Variants in CST2 observed in about 807,000 individuals in gnomAD.
The protein encoded by CST2 is cystatin SA.
In CST2, 26 loss-of-function variants were observed where a neutral mutation model predicts 13.4. The observed-to-expected ratio is 1.95, with a 90% confidence interval of 1.43 to 2.70. CST2 has a LOEUF of 2.70. CST2 is among the 30% of genes most tolerant of loss of function. The pLI is 0.00. For synonymous variants in CST2, 105 were observed against 71.1 expected (o/e 1.48, Z -2.40); for missense variants, 243 against 173.4 (o/e 1.40, Z -2.25).
At chr20:23,825,168 C>G (rs778718289) in intron 2 of CST2, 42 bp downstream of exon 2, 18 of 1,610,764 alleles carry the variant, frequency 1.1e-5, no homozygotes, top group Non-Finnish European at 1.5e-5. Flanking sequence ...ACGCACCCCT[C>G]TGCAGTGCAT....
In CST2 at chr20:23,823,808, G is replaced by A. The variant is rs892452227; in HGVS notation, c.*212C>T. Reference sequence around the variant, plus strand: ...TTAATTGCAGGAGGTGGGGGTGTGTGTACCATGTACCAGGGCTATGAGAAG... The same window carrying A: ...TTAATTGCAGGAGGTGGGGGTGTGTATACCATGTACCAGGGCTATGAGAAG... On this transcript the variant is annotated 3_prime_UTR_variant, in exon 3 of 3. Coordinates refer to ENST00000304725, the MANE Select transcript of CST2 (RefSeq NM_001322.3). The A allele has an allele frequency of 5.5e-5, 32 of 582,554 alleles. No individual in the cohort carries two copies. Among genetic ancestry groups the A allele is most frequent in the Non-Finnish European group, 8.0e-5 (26 of 324,600 alleles). The allele number at this position is 582,554 out of a possible 1,614,324, so 36.1% of individuals were successfully genotyped here.
chr20:23,825,034 A>G (rs530886634), intron 2 of CST2, among the ~76,000 whole-genome samples, 176 bp downstream of exon 2: 29 of 152,080 alleles, frequency 1.9e-4, no homozygotes, highest in African/African-American at 7.0e-4. Flanking sequence ...TTCCACATGC[A>G]CATCTACATG....
In CST2 at chr20:23,823,867, G is replaced by A; in HGVS notation, c.*153C>T. 2 of 747,426 alleles carry A rather than the reference G, an allele frequency of 2.7e-6. No homozygotes were observed. Among genetic ancestry groups the A allele is most frequent in the Non-Finnish European group, 2.2e-6 (1 of 448,398 alleles). The allele number at this position is 747,426 out of a possible 1,614,324, so 46.3% of individuals were successfully genotyped here. ...AGGAGGGAGGGCAGAGTCCCCTGCTGAGCAACAAAGGCCTCCTGCAGCCTT... is the reference window on the plus strand; with the variant it reads ...AGGAGGGAGGGCAGAGTCCCCTGCTAAGCAACAAAGGCCTCCTGCAGCCTT... On this transcript the variant is annotated 3_prime_UTR_variant, in exon 3 of 3. Transcript: ENST00000304725.
In CST2 at chr20:23,823,779, C is replaced by T. The variant is rs1984736746; in HGVS notation, c.*241G>A. 9.3e-6 allele frequency: 5 copies of T among 535,674 alleles called. No individual in the cohort carries two copies. Among genetic ancestry groups the T allele is most frequent in the Non-Finnish European group, 1.7e-5 (5 of 297,202 alleles). 33.2% of individuals were successfully genotyped at this position (535,674 alleles called of 1,614,324 possible). A position where few individuals can be genotyped will look rare whatever the true frequency, so the allele number is the denominator to read the frequency against. ...AAGAACTCAGAGGGAGGTGATGCTA[C>T]TGTTTAATTGCAGGAGGTGGGGGTG... On this transcript the variant is annotated 3_prime_UTR_variant, in exon 3 of 3. Coordinates refer to ENST00000304725, the MANE Select transcript of CST2 (RefSeq NM_001322.3).
At chr20:23,825,459 A>T (rs1235153716) in intron 1 of CST2, 136 bp from the exon 2 acceptor site, 1 of 837,928 alleles carries the variant, frequency 1.2e-6, no homozygotes, top group Non-Finnish European at 1.9e-6. Flanking sequence ...CAAGGCACAC[A>T]AGCCCCCTCT....
At position 23,826,447 on chromosome 20, in the gene CST2, G is replaced by A. The variant is rs568411970; in HGVS notation, c.214C>T (p.Arg72Ter). Residue 72 changes from arginine (R) to a stop codon, truncating the protein, a stop_gained, in exon 1 of 3, where the codon CGA becomes TGA. Transcript: ENST00000304725. LOFTEE classifies it high-confidence loss of function. ...EYYRRLLRVL[R>*]AREQIVGGVN... ...GCAGCACCCACCTGCTCCCTGGCTC[G>A]TAGCACCCGCAGCAGGCGTCTGTAG... 1.9e-5 allele frequency: 31 copies of A among 1,614,080 alleles called. No individual in the cohort carries two copies. Among genetic ancestry groups the A allele is most frequent in the Middle Eastern group, 1.7e-4 (1 of 6,060 alleles).
At position 23,823,985 on chromosome 20, in the gene CST2, A is replaced by G. The variant is rs115899654; in HGVS notation, c.*35T>C. The G allele has an allele frequency of 2.9e-3, 4,604 of 1,608,258 alleles. 100 individuals carry two copies. In the African/African-American group the frequency reaches 0.053, roughly 18 times the overall value. On this transcript the variant is annotated 3_prime_UTR_variant, in exon 3 of 3. Transcript: ENST00000304725. ...TGGGAGCACTACAAGGGGTGGGAGT[A>G]GGAGGTGGTCAGTGTGACTCCCTGG...
rs371095507 is a variant in CST2 at position 23,826,725 on chromosome 20, G to A, written c.-65C>T. ...AGAGGAGGTTGAGAGCCTGAGGCGG[G>A]GATCCCAGACCAGCAGGCAGCTGTG... On this transcript the variant is annotated 5_prime_UTR_variant, in exon 1 of 3. Coordinates refer to ENST00000304725, the MANE Select transcript of CST2 (RefSeq NM_001322.3). 6.4e-5 allele frequency: 92 copies of A among 1,428,232 alleles called. 1 individual carries two copies. In the African/African-American group the frequency reaches 1.1e-3, roughly 17 times the overall value. 88.5% of individuals were successfully genotyped at this position (1,428,232 alleles called of 1,614,324 possible).
chr20:23,824,143 C>T (rs377714447), intron 2 of CST2, 40 bp from the exon 3 acceptor site: 33 of 1,605,036 alleles, frequency 2.1e-5, no homozygotes, highest in Admixed American at 1.8e-4. Flanking sequence ...GTGTGAGTTA[C>T]AGTTAAAGGG....
At chr20:23,825,501 G>A (rs1338771936) in intron 1 of CST2, among the ~76,000 whole-genome samples, 178 bp from the exon 2 acceptor site, 1 of 152,220 alleles carries the variant, frequency 6.6e-6, no homozygotes, top group Non-Finnish European at 1.5e-5. Context: ...TGGGCCTCAT[G>A]CCCCCTCTTA....
At position 23,826,519 on chromosome 20, in the gene CST2, G is replaced by A. The variant is rs751705845; in HGVS notation, c.142C>T (p.Leu48Phe). Residue 48 changes from leucine to phenylalanine, a missense_variant, in exon 1 of 3, where the codon CTT becomes TTT. Transcript: ENST00000304725. ...DLNDERVQRALHFVISEYNKA... is the reference protein window; with the variant it reads ...DLNDERVQRAFHFVISEYNKA... ...TTATACTCGCTGATGACAAAGTGAA[G>A]GGCACGCTGTACCCGCTCATCATTG... The A allele has an allele frequency of 3.1e-6, 5 of 1,614,132 alleles. No individual in the cohort carries two copies. Among genetic ancestry groups the A allele is most frequent in the East Asian group, 2.2e-5 (1 of 44,854 alleles).
Position 23,824,079 on chromosome 20 carries a change from A to T in CST2, c.367T>A (p.Tyr123Asn). The T allele has an allele frequency of 1.9e-6, 3 of 1,614,070 alleles. No homozygotes were observed. Among genetic ancestry groups the T allele is most frequent in the Non-Finnish European group, 2.5e-6 (3 of 1,179,956 alleles). ...ATTCTGTCCTCCCAGGGAACTTCGT[A>T]GATCTGGAAAGAGCACAACTGTTTC... ...QKKQLCSFQIYEVPWEDRMSL... is the reference protein window; with the variant it reads ...QKKQLCSFQINEVPWEDRMSL... The change falls in exon 3 of 3, where the codon TAC becomes AAC. Residue 123 changes from tyrosine to asparagine, a missense_variant. By Grantham distance (143) the Tyr-to-Asn change is moderately radical. Coordinates refer to ENST00000304725, the MANE Select transcript of CST2 (RefSeq NM_001322.3).
chr20:23,824,236 T>A (rs1369123221), intron 2 of CST2, 133 bp from the exon 3 acceptor site: 8 of 843,656 alleles, frequency 9.5e-6, no homozygotes, highest in Non-Finnish European at 1.5e-5. Context: ...CCCTGCTGAG[T>A]CCCAGAGCAC....
rs1294755633 is a variant in CST2, at chr20:23,825,197, A to T, written c.342+13T>A. On this transcript the variant is annotated intron_variant, in intron 2 of 2. Transcript: ENST00000304725. ...AGTGCATGACTGGCCTGGGACCCGC[A>T]TCAGGAACGTACCTTCTGCAGTTCT... 6.2e-7 allele frequency: 1 copy of T among 1,613,948 alleles called. No individual in the cohort carries two copies. The highest frequency in any genetic ancestry group is 8.5e-7 in the Non-Finnish European group (1 of 1,179,986).
Position 23,824,035 on chromosome 20 carries a change from C to G in CST2, c.411G>C (p.Arg137Ser), listed in dbSNP as rs946734123. The change falls in exon 3 of 3, where the codon AGG becomes AGC. Residue 137 changes from arginine (R) to serine (S), a missense_variant. By Grantham distance (110) the Arg-to-Ser change is moderately radical. Coordinates refer to ENST00000304725, the MANE Select transcript of CST2 (RefSeq NM_001322.3). ...GCACAGATCCCTAGGCTTCTTGACACCTGGAATTCACCAGGGACATTCTGT... is the reference window on the plus strand; with the variant it reads ...GCACAGATCCCTAGGCTTCTTGACAGCTGGAATTCACCAGGGACATTCTGT... ...WEDRMSLVNS[R>S]CQEA is the part of the protein sequence containing the mutation. 1 of 1,614,068 alleles carries G rather than the reference C, an allele frequency of 6.2e-7. No homozygotes were observed. The highest frequency in any genetic ancestry group is 8.5e-7 in the Non-Finnish European group (1 of 1,179,956).
rs1984738438 is a variant in CST2, at chr20:23,823,813, A to G, written c.*207T>C. 3.4e-6 allele frequency: 2 copies of G among 589,546 alleles called. No homozygotes were observed. The highest frequency in any genetic ancestry group is 3.0e-6 in the Non-Finnish European group (1 of 328,450). 36.5% of individuals were successfully genotyped at this position (589,546 alleles called of 1,614,324 possible). Reference sequence around the variant, plus strand: ...TGCAGGAGGTGGGGGTGTGTGTACCATGTACCAGGGCTATGAGAAGCAAAA... The same window carrying G: ...TGCAGGAGGTGGGGGTGTGTGTACCGTGTACCAGGGCTATGAGAAGCAAAA... On this transcript the variant is annotated 3_prime_UTR_variant, in exon 3 of 3. Transcript: ENST00000304725.
chr20:23,825,146 A>G (rs1984789433), intron 2 of CST2, 64 bp downstream of exon 2: 2 of 1,596,942 alleles, frequency 1.3e-6, no homozygotes, highest in South Asian at 2.2e-5. Context: ...TGTAGGGCAG[A>G]GACTGACACA....
At chr20:23,824,484 C>A (rs972814091) in intron 2 of CST2, among the ~76,000 whole-genome samples, 2 of 152,128 alleles carry the variant, frequency 1.3e-5, no homozygotes, top group Non-Finnish European at 2.9e-5. Context: ...AGGGAAGAAC[C>A]CAGAGCAGGG....
At chr20:23,824,547 G>A (rs1042798121) in intron 2 of CST2, among the ~76,000 whole-genome samples, 1 of 152,276 alleles carries the variant, frequency 6.6e-6, no homozygotes, top group East Asian at 1.9e-4. Context: ...AGGGGAGTGT[G>A]GCTCTCCCCT....
Sources: allele counts gnomAD v4.1 joint callset (sites outside exome capture counted in the v4.1 genomes callset), GRCh38; gene constraint gnomAD v4.1.1; transcripts MANE v1.5; gene names NCBI Gene and HGNC (gene_info 2026-07-23, HGNC 2026-07-21).